The following IFNA6 variants were observed in gnomAD, a reference collection of about 807,000 sequenced individuals.
The protein encoded by IFNA6 is interferon alpha-6.
For synonymous variants in IFNA6, 96 were observed against 79.2 expected (o/e 1.21, Z -1.13); for missense variants, 235 against 212.4 (o/e 1.11, Z -0.66).
chr9:21,350,779 T>A (rs1467204946), exon 1 of IFNA6: 1 of 1,613,918 alleles, frequency 6.2e-7, no homozygotes, highest in Non-Finnish European at 8.5e-7. Context: ...AGCATCATGG[T>A]CCTCCTGTGA....
exon 1 of IFNA6, chr9:21,350,641 C>G: frequency 6.2e-7 from 1 of 1,614,002 alleles, no homozygotes; most frequent in South Asian, 1.1e-5. Flanking sequence ...TGCTGAATCA[C>G]CTCATGGAGG....
exon 1 of IFNA6, chr9:21,350,481 T>C (rs1820436253): frequency 1.9e-6 from 3 of 1,614,048 alleles, no homozygotes; most frequent in Non-Finnish European, 2.5e-6. Flanking sequence ...GGAGTCCTCA[T>C]TCATCAGGGG....
chr9:21,350,881 A>G (rs751594218), exon 1 of IFNA6: 9 of 1,613,508 alleles, frequency 5.6e-6, no homozygotes, highest in Non-Finnish European at 7.6e-6. Context: ...GCAAAAGGCA[A>G]AGCCATTGTA....
exon 1 of IFNA6, chr9:21,350,727 T>A: frequency 6.2e-7 from 1 of 1,614,032 alleles, no homozygotes; most frequent in Non-Finnish European, 8.5e-7. Context: ...ATGTCTGTCC[T>A]TCAGACAGGA....
At chr9:21,350,548 G>A in the IFNA6 span, 1 of 1,613,956 alleles carries the variant, frequency 6.2e-7, no homozygotes, top group Non-Finnish European at 8.5e-7. Flanking sequence ...TTCAGCTGCT[G>A]GTAAAGTTCA....
the IFNA6 span, chr9:21,350,381 TG>T: frequency 6.2e-7 from 1 of 1,613,894 alleles, no homozygotes; most frequent in Non-Finnish European, 8.5e-7. Context: ...TCATGATTTC[TG>T]CTCTGACAAC....
chr9:21,350,328 CT>C, the IFNA6 span: 3 of 1,609,802 alleles, frequency 1.9e-6, no homozygotes, highest in Non-Finnish European at 2.5e-6. Context: ...TTATTCCTTC[CT>C]CCTTAACCTT....
At chr9:21,350,665 C>G (rs762204032) in exon 1 of IFNA6, 64 of 1,613,914 alleles carry the variant, frequency 4.0e-5, no homozygotes, top group Non-Finnish European at 4.6e-5. Context: ...GAGATGGCTT[C>G]AGCCTTCTGG....
At chr9:21,350,496 C>A (rs781479577) in exon 1 of IFNA6, 1 of 1,613,870 alleles carries the variant, frequency 6.2e-7, no homozygotes, top group Non-Finnish European at 8.5e-7. Context: ...CAGGGGAGTC[C>A]CTCCCACCCA....
rs1041383308 is a variant in IFNA6, at chr9:21,350,340, T to C, written c.548A>G (p.Glu183Gly). Reference sequence around the variant, plus strand: ...GTCTTATTCCTTCCTCCTTAACCTTTCTTGCAAGTTTCTTGATGAAGAGAA... The same window carrying C: ...GTCTTATTCCTTCCTCCTTAACCTTCCTTGCAAGTTTCTTGATGAAGAGAA... The change falls in exon 1 of 1, where the codon GAA (glutamate) becomes GGA (glycine). Residue 183 changes from glutamate to glycine, a missense_variant. Transcript: ENST00000380210. 3.7e-6 allele frequency: 6 copies of C among 1,612,716 alleles called. No individual in the cohort carries two copies. Among genetic ancestry groups the C allele is most frequent in the Non-Finnish European group, 5.1e-6 (6 of 1,179,404 alleles).
At chr9:21,350,549 GTAAAGT>G (rs1195539824) in exon 1 of IFNA6, 2 of 1,613,840 alleles carry the variant, frequency 1.2e-6, no homozygotes, top group Non-Finnish European at 1.7e-6. Flanking sequence ...TCAGCTGCTG[GTAAAGT>G]TCAGTATAGA....
At chr9:21,350,719 G>A (rs560117253) in exon 1 of IFNA6, 112 of 1,614,060 alleles carry the variant, frequency 6.9e-5, no homozygotes, top group Middle Eastern at 3.3e-4. Context: ...CTGAAGTCAT[G>A]TCTGTCCTTC....
At chr9:21,350,461 C>G in exon 1 of IFNA6, 1 of 1,614,034 alleles carries the variant, frequency 6.2e-7, no homozygotes, top group Non-Finnish European at 8.5e-7. Context: ...TATTTTCTCA[C>G]AGCCAGGATG....
exon 1 of IFNA6, chr9:21,350,707 A>G: frequency 6.2e-7 from 1 of 1,613,998 alleles, no homozygotes; most frequent in Non-Finnish European, 8.5e-7. Context: ...TCCTGGGGAA[A>G]TCTGAAGTCA....
exon 1 of IFNA6, chr9:21,350,622 T>C: frequency 6.2e-7 from 1 of 1,613,936 alleles, no homozygotes; most frequent in Non-Finnish European, 8.5e-7. Flanking sequence ...GCTGAAGAGG[T>C]TGAAGGTCTG....
exon 1 of IFNA6, chr9:21,350,678 C>G (rs1820441136): frequency 6.2e-7 from 1 of 1,614,010 alleles, no homozygotes. Flanking sequence ...CCTTCTGGAA[C>G]TGGTTGCCAT....
chr9:21,350,320 ATTCC>A, the IFNA6 span: 1 of 1,585,778 alleles, frequency 6.3e-7, no homozygotes. Flanking sequence ...ATCAGGTCTT[ATTCC>A]TTCCTCCTTA....
rs186416653 is a variant in IFNA6, at chr9:21,350,605, C to T, written c.283G>A (p.Asp95Asn). 3 of 1,613,938 alleles carry T rather than the reference C, an allele frequency of 1.9e-6. No homozygotes were observed. Among genetic ancestry groups the T allele is most frequent in the East Asian group, 4.5e-5 (2 of 44,880 alleles). ...CTCTCATCCCAAGCAACAGATGAGT[C>T]CTTTGTGCTGAAGAGGTTGAAGGTC... Residue 95 changes from aspartate to asparagine, a missense_variant, in exon 1 of 1, where the codon GAC becomes AAC. Transcript: ENST00000380210.
chr9:21,350,759 T>C (rs954761980), exon 1 of IFNA6: 1 of 1,613,976 alleles, frequency 6.2e-7, no homozygotes, highest in Admixed American at 1.7e-5. Flanking sequence ...TTCTCCTCAT[T>C]TGTGCCAGGA....
Sources: allele counts gnomAD v4.1 joint callset, GRCh38; gene constraint gnomAD v4.1.1; transcripts MANE v1.5; gene names NCBI Gene and HGNC (gene_info 2026-07-23, HGNC 2026-07-21).